KIF3B: variants seen among roughly 807,000 people sequenced by gnomAD.
KIF3B encodes the protein kinesin family member 3B.
KIF3B carries 38 observed loss-of-function variants against 74.3 expected under a neutral mutation model. The observed-to-expected ratio is 0.51, with a 90% CI of 0.39 to 0.67. KIF3B has a LOEUF of 0.67. KIF3B is among the 30% of genes least tolerant of loss of function. KIF3B has a pLI of 0.00. For synonymous variants in KIF3B, 326 were observed against 342.5 expected (o/e 0.95, Z 0.53); for missense variants, 649 against 932.0 (o/e 0.70, Z 3.95).
intron 1 of KIF3B, among the ~76,000 whole-genome samples, chr20:32,305,617 C>G (rs1600426477): frequency 8.0e-6 from 1 of 125,410 alleles, no homozygotes; most frequent in Non-Finnish European, 1.6e-5. Context: ...GAGTCTTGCT[C>G]TGTCACCCAG....
At chr20:32,322,635 T>G (rs1286500493) in intron 5 of KIF3B, among the ~76,000 whole-genome samples, 1 of 105,418 alleles carries the variant, frequency 9.5e-6, no homozygotes, top group East Asian at 2.6e-4. Context: ...TATTTATATA[T>G]ATTTATATAT....
chr20:32,279,707 G>A (rs1017000207), intron 1 of KIF3B, among the ~76,000 whole-genome samples: 7 of 152,040 alleles, frequency 4.6e-5, no homozygotes, highest in African/African-American at 7.2e-5. Flanking sequence ...TCAGGTGATC[G>A]CCTGCCTTGG....
rs1187264463 is a variant in KIF3B at position 32,299,379 on chromosome 20, G to GTGTATATATATA, written c.-65-10333_-65-10332insGTATATATATAT. Among the ~76,000 whole-genome samples the GTGTATATATATA allele has an allele frequency of 6.9e-4, 16 of 23,094 alleles. 1 individual carries two copies. The highest frequency in any genetic ancestry group is 6.3e-3 in the East Asian group (3 of 476). The allele number at this position is 23,094 out of a possible 152,430, so 15.2% of individuals were successfully genotyped here. ...CTTGTAACTACTGAATGGTGTGTGT[G>GTGTATATATATA]TATATATATATATATATATATATAT... is the stretch of plus-strand genomic sequence containing the variant. On this transcript the variant is annotated intron_variant, in intron 1 of 8. Coordinates refer to ENST00000375712, the MANE Select transcript of KIF3B (RefSeq NM_004798.4).
At chr20:32,292,979 G>A (rs956900131) in intron 1 of KIF3B, among the ~76,000 whole-genome samples, 1 of 152,118 alleles carries the variant, frequency 6.6e-6, no homozygotes, top group East Asian at 1.9e-4. Flanking sequence ...TTTTGGCTGG[G>A]CGCAGTGGCT....
intron 5 of KIF3B, among the ~76,000 whole-genome samples, chr20:32,324,434 C>T (rs1318689765): frequency 6.6e-6 from 1 of 152,080 alleles, no homozygotes; most frequent in Non-Finnish European, 1.5e-5. Flanking sequence ...TGGGGCAGGG[C>T]CTGAGAATGT....
rs1185246799 is a variant in KIF3B, at chr20:32,330,194, C to CT, written c.2023dup (p.Tyr675LeufsTer2). On this transcript the variant is annotated frameshift_variant, in exon 8 of 9. Transcript: ENST00000375712. LOFTEE classifies it high-confidence loss of function. ...ACATGCCCAGCCGGACCACCAGAGA[C>CT]TATGAGGGTCCAGCCATTGCCCCCA... 3 of 1,613,988 alleles carry CT rather than the reference C, an allele frequency of 1.9e-6. No homozygotes were observed. Among genetic ancestry groups the CT allele is most frequent in the Non-Finnish European group, 2.5e-6 (3 of 1,180,018 alleles).
intron 2 of KIF3B, among the ~76,000 whole-genome samples, chr20:32,314,504 C>T (rs2047817369): frequency 1.3e-5 from 2 of 151,386 alleles, no homozygotes; most frequent in Non-Finnish European, 2.9e-5. Flanking sequence ...CATGCCACTG[C>T]ACTCCAGCCT....
Position 32,318,428 on chromosome 20 carries a change from A to G in KIF3B, c.1748+1554A>G, listed in dbSNP as rs138958482. On this transcript the variant is annotated intron_variant, in intron 5 of 8. Transcript: ENST00000375712. ...TAGAACATTTTTATTACTCTCCTCT[A>G]AAAGAAACTCTACCAGTTAGTAGTC... is the stretch of plus-strand genomic sequence containing the variant. 4.1e-3 allele frequency among the ~76,000 whole-genome samples: 631 copies of G among 152,328 alleles called. 1 individual carries two copies. The highest frequency in any genetic ancestry group is 7.2e-3 in the Non-Finnish European group (491 of 68,024).
intron 1 of KIF3B, among the ~76,000 whole-genome samples, chr20:32,291,368 T>C (rs1299562311): frequency 6.6e-6 from 1 of 152,050 alleles, no homozygotes. Context: ...AATAATGTAA[T>C]GAATCATGAA....
intron 1 of KIF3B, among the ~76,000 whole-genome samples, chr20:32,302,158 A>G (rs948638262): frequency 1.3e-5 from 2 of 152,250 alleles, no homozygotes. Context: ...TAATAAAGAA[A>G]GAGTATCAGG....
intron 5 of KIF3B, among the ~76,000 whole-genome samples, chr20:32,323,160 A>ATATATT (rs561718726): frequency 0.013 from 1,580 of 118,622 alleles, 50 homozygotes; most frequent in Admixed American, 0.059. Flanking sequence ...ATTTATATTT[A>ATATATT]TATATTTATA....
chr20:32,300,023 G>A (rs1392256854), intron 1 of KIF3B, among the ~76,000 whole-genome samples: 1 of 152,038 alleles, frequency 6.6e-6, no homozygotes, highest in Non-Finnish European at 1.5e-5. Context: ...CAATCCTCCT[G>A]CCTTGTCCTC....
intron 1 of KIF3B, among the ~76,000 whole-genome samples, chr20:32,293,613 AAAAC>A (rs1009577570): frequency 1.3e-5 from 2 of 152,128 alleles, no homozygotes; most frequent in African/African-American, 4.8e-5. Context: ...CTGTCTCAAA[AAAAC>A]AAACAAAGAA....
intron 5 of KIF3B, among the ~76,000 whole-genome samples, chr20:32,318,353 A>T (rs1451380994): frequency 6.6e-6 from 1 of 152,064 alleles, no homozygotes; most frequent in Non-Finnish European, 1.5e-5. Context: ...GTGTTTTTTT[A>T]AAAGCATATA....
At chr20:32,296,459 G>A (rs1482963162) in intron 1 of KIF3B, among the ~76,000 whole-genome samples, 1 of 152,076 alleles carries the variant, frequency 6.6e-6, no homozygotes, top group Non-Finnish European at 1.5e-5. Flanking sequence ...AATTAGCTCG[G>A]TGTGATGGTG....
At chr20:32,314,115 G>A (rs2047815290) in intron 2 of KIF3B, among the ~76,000 whole-genome samples, 1 of 152,188 alleles carries the variant, frequency 6.6e-6, no homozygotes, top group Non-Finnish European at 1.5e-5. Context: ...CTCAGAGAAA[G>A]TTGAACTCTC....
chr20:32,297,596 T>A (rs907830116), intron 1 of KIF3B, among the ~76,000 whole-genome samples: 3 of 152,214 alleles, frequency 2.0e-5, no homozygotes, highest in Admixed American at 6.6e-5. Context: ...TGGGCTAGTA[T>A]GTCGGGCCTT....
chr20:32,332,877 G>A lies in KIF3B; in HGVS notation c.*1558G>A, dbSNP rs1046698577. On this transcript the variant is annotated 3_prime_UTR_variant, in exon 9 of 9. Transcript: ENST00000375712. ...TGAGTCCATGAGCCAAGCCTGAGGG[G>A]ACAGTGAGTCTCCAGGTCTGCCACA... 3 of 152,670 alleles carry A rather than the reference G, an allele frequency of 2.0e-5. No homozygotes were observed. Among genetic ancestry groups the A allele is most frequent in the African/African-American group, 7.2e-5 (3 of 41,454 alleles). 9.5% of individuals were successfully genotyped at this position (152,670 alleles called of 1,614,324 possible). A position where few individuals can be genotyped will look rare whatever the true frequency, so the allele number is the denominator to read the frequency against.
At chr20:32,315,951 A>G (rs1246503836) in intron 2 of KIF3B, among the ~76,000 whole-genome samples, 1 of 152,120 alleles carries the variant, frequency 6.6e-6, no homozygotes, top group East Asian at 1.9e-4. Flanking sequence ...ACTTTGTAGA[A>G]ACAAGCAAAA....
Sources: allele counts gnomAD v4.1 joint callset (sites outside exome capture counted in the v4.1 genomes callset), GRCh38; gene constraint gnomAD v4.1.1; transcripts MANE v1.5; gene names NCBI Gene and HGNC (gene_info 2026-07-23, HGNC 2026-07-21).